DAB1: variants seen among roughly 807,000 people sequenced by gnomAD.
The protein encoded by DAB1 is disabled homolog 1.
In DAB1, 15 loss-of-function variants were observed where a neutral mutation model predicts 64.6. The ratio of observed to expected loss-of-function variants is 0.23; its 90% confidence interval spans 0.16 to 0.36. The LOEUF (loss-of-function observed/expected upper bound fraction) is 0.36, where lower values mean the gene tolerates loss of function less well. DAB1 is among the 10% of genes least tolerant of loss of function. DAB1 has a pLI of 1.00. For synonymous variants in DAB1, 235 were observed against 251.9 expected (o/e 0.93, Z 0.64); for missense variants, 596 against 706.7 (o/e 0.84, Z 1.78).
At chr1:58,260,986 T>C (rs939330746) in intron 4 of DAB1, among the ~76,000 whole-genome samples, 1 of 152,226 alleles carries the variant, frequency 6.6e-6, no homozygotes, top group African/African-American at 2.4e-5. Flanking sequence ...TCAATAAATA[T>C]TGCTACATAA....
At chr1:57,909,946 A>G (rs1180470684) in intron 5 of DAB1, among the ~76,000 whole-genome samples, 1 of 152,172 alleles carries the variant, frequency 6.6e-6, no homozygotes, top group Admixed American at 6.5e-5. Flanking sequence ...TCACATATTT[A>G]TATAGAAGAT....
intron 2 of DAB1, among the ~76,000 whole-genome samples, chr1:57,257,899 C>T (rs1178371815): frequency 6.6e-6 from 1 of 152,208 alleles, no homozygotes; most frequent in African/African-American, 2.4e-5. Context: ...TAAAAGAACA[C>T]TTGTGACTGC....
intron 3 of DAB1, among the ~76,000 whole-genome samples, chr1:58,368,777 T>A (rs973898840): frequency 6.6e-6 from 1 of 152,114 alleles, no homozygotes; most frequent in African/African-American, 2.4e-5. Context: ...CTGGGGCCAC[T>A]GGAAACTTCT....
chr1:58,201,013 G>A (rs1657965961), intron 4 of DAB1, among the ~76,000 whole-genome samples: 1 of 144,750 alleles, frequency 6.9e-6, no homozygotes, highest in Non-Finnish European at 1.5e-5. Flanking sequence ...GTCTATTTTT[G>A]TTTGTTTTGT....
intron 2 of DAB1, among the ~76,000 whole-genome samples, chr1:57,161,359 T>A (rs1660728281): frequency 6.6e-6 from 1 of 151,992 alleles, no homozygotes; most frequent in Admixed American, 6.6e-5. Flanking sequence ...CAACTCAAAG[T>A]CCCCCGGCAA....
intron 5 of DAB1, among the ~76,000 whole-genome samples, chr1:58,102,343 G>C (rs546818332): frequency 1.3e-5 from 2 of 152,328 alleles, no homozygotes; most frequent in South Asian, 4.1e-4. Flanking sequence ...GGGAGAAAGA[G>C]AGTGTGATCA....
At chr1:58,463,266 G>A (rs1412207734) in intron 3 of DAB1, among the ~76,000 whole-genome samples, 1 of 152,148 alleles carries the variant, frequency 6.6e-6, no homozygotes, top group Non-Finnish European at 1.5e-5. Context: ...CTGGTGAGAG[G>A]AGTAGCTGAG....
chr1:58,314,812 T>C (rs1300483149), intron 4 of DAB1, among the ~76,000 whole-genome samples: 1 of 152,192 alleles, frequency 6.6e-6, no homozygotes, highest in East Asian at 1.9e-4. Context: ...GTGTCTATCA[T>C]AACAGGAGCT....
chr1:58,350,887 G>T (rs1183011597), intron 3 of DAB1, among the ~76,000 whole-genome samples: 1 of 152,146 alleles, frequency 6.6e-6, no homozygotes, highest in Non-Finnish European at 1.5e-5. Context: ...AAGTTAGGTA[G>T]CATGATGCCT....
At chr1:58,434,322 T>C (rs1644917825) in intron 3 of DAB1, among the ~76,000 whole-genome samples, 1 of 151,682 alleles carries the variant, frequency 6.6e-6, no homozygotes, top group African/African-American at 2.4e-5. Context: ...TGAGAAGTAG[T>C]AGCTCTGTGA....
At chr1:57,549,440 C>A (rs1055849435) in intron 7 of DAB1, among the ~76,000 whole-genome samples, 4 of 152,086 alleles carry the variant, frequency 2.6e-5, no homozygotes, top group Non-Finnish European at 5.9e-5. Flanking sequence ...CCCTTCAAGC[C>A]GGGGCATTTT....
chr1:57,813,282 C>T (rs556999658), intron 6 of DAB1, among the ~76,000 whole-genome samples: 3 of 152,228 alleles, frequency 2.0e-5, no homozygotes, highest in Non-Finnish European at 4.4e-5. Flanking sequence ...TTCTTAAGAA[C>T]CAATATAGAA....
intron 4 of DAB1, among the ~76,000 whole-genome samples, chr1:58,151,607 T>A (rs554427303): frequency 6.6e-6 from 1 of 152,328 alleles, no homozygotes; most frequent in East Asian, 1.9e-4. Flanking sequence ...TAGAAGGCTA[T>A]CTTAACAGTG....
At chr1:57,056,498 C>G (rs1218095512) in intron 9 of DAB1, among the ~76,000 whole-genome samples, 1 of 131,718 alleles carries the variant, frequency 7.6e-6, no homozygotes, top group Non-Finnish European at 1.6e-5. Flanking sequence ...GAGTAAGAGC[C>G]TGTCTCAAAA....
intron 3 of DAB1, among the ~76,000 whole-genome samples, chr1:58,483,592 G>A (rs1204777863): frequency 6.6e-6 from 1 of 152,190 alleles, no homozygotes; most frequent in Non-Finnish European, 1.5e-5. Context: ...TATCTAGTGA[G>A]TGTTAAGTAA....
At chr1:57,717,377 C>T (rs1369075976) in intron 6 of DAB1, among the ~76,000 whole-genome samples, 1 of 151,838 alleles carries the variant, frequency 6.6e-6, no homozygotes, top group Non-Finnish European at 1.5e-5. Context: ...GATATCATCT[C>T]ATCCCAGTTA....
chr1:58,336,483 G>T (rs1469938358), intron 4 of DAB1, among the ~76,000 whole-genome samples: 6 of 152,122 alleles, frequency 3.9e-5, no homozygotes, highest in Admixed American at 1.3e-4. Flanking sequence ...TATGTTTCAA[G>T]AGCTTTCTAA....
intron 6 of DAB1, among the ~76,000 whole-genome samples, chr1:57,799,182 C>T (rs765188128): frequency 1.5e-4 from 23 of 152,168 alleles, no homozygotes; most frequent in Middle Eastern, 6.8e-3. Context: ...ATTCGATGAA[C>T]GGAAAGCCTT....
chr1:57,217,010 T>C (rs1040661391), intron 2 of DAB1, among the ~76,000 whole-genome samples: 4 of 152,338 alleles, frequency 2.6e-5, no homozygotes, highest in Non-Finnish European at 5.9e-5. Context: ...CATGTCCTGA[T>C]ATTATGGTGA....
Sources: allele counts gnomAD v4.1 joint callset (sites outside exome capture counted in the v4.1 genomes callset), GRCh38; gene constraint gnomAD v4.1.1; transcripts MANE v1.5; gene names NCBI Gene and HGNC (gene_info 2026-07-23, HGNC 2026-07-21).